Variants in STK3 observed in about 807,000 individuals in gnomAD.
STK3 encodes serine/threonine-protein kinase 3.
In STK3, 41 loss-of-function variants were observed where a neutral mutation model predicts 58.0. That is an observed-to-expected ratio of 0.71 (90% CI 0.55 to 0.92). The LOEUF (loss-of-function observed/expected upper bound fraction) is 0.92, where lower values mean the gene tolerates loss of function less well. STK3 is among the 40% of genes least tolerant of loss of function. The pLI is 0.00. For synonymous variants in STK3, 170 were observed against 191.0 expected (o/e 0.89, Z 0.91); for missense variants, 479 against 602.7 (o/e 0.79, Z 2.15).
At chr8:98,822,889 G>A (rs868596914) in intron 1 of STK3, among the ~76,000 whole-genome samples, 23 of 152,318 alleles carry the variant, frequency 1.5e-4, no homozygotes, top group Non-Finnish European at 1.8e-4. Flanking sequence ...TGAGCTGGGC[G>A]TGGTGGCGCC....
At chr8:98,838,703 T>C (rs956334930) in intron 3 of STK3, among the ~76,000 whole-genome samples, 25 of 152,100 alleles carry the variant, frequency 1.6e-4, no homozygotes, top group Admixed American at 1.4e-3. Flanking sequence ...GAGGGAGGAA[T>C]TGTATGCATA....
At chr8:98,734,028 C>A (rs1828393236) in intron 4 of STK3, among the ~76,000 whole-genome samples, 1 of 152,068 alleles carries the variant, frequency 6.6e-6, no homozygotes, top group Non-Finnish European at 1.5e-5. Context: ...AAGCAAACAC[C>A]GAATTCTCAT....
At chr8:98,363,785 A>T in the STK3 span, among the ~76,000 whole-genome samples, 1 of 152,320 alleles carries the variant, frequency 6.6e-6, no homozygotes, top group East Asian at 1.9e-4. Flanking sequence ...TGACTTGAGC[A>T]GTCTCAGGTT....
At chr8:98,644,334 T>A (rs1563839185) in intron 6 of STK3, among the ~76,000 whole-genome samples, 1 of 152,206 alleles carries the variant, frequency 6.6e-6, no homozygotes, top group Non-Finnish European at 1.5e-5. Flanking sequence ...CTCATTTCAA[T>A]AAACTGTTAT....
chr8:98,582,501 T>C (rs1226293390), intron 7 of STK3, among the ~76,000 whole-genome samples: 1 of 152,106 alleles, frequency 6.6e-6, no homozygotes, highest in Non-Finnish European at 1.5e-5. Flanking sequence ...TTTTAGTTTT[T>C]TTAACATTTA....
chr8:98,472,242 G>C (rs1820978947), intron 10 of STK3, among the ~76,000 whole-genome samples: 1 of 152,110 alleles, frequency 6.6e-6, no homozygotes, highest in Non-Finnish European at 1.5e-5. Flanking sequence ...AATATATGTA[G>C]TTTACTGCCC....
the STK3 span, among the ~76,000 whole-genome samples, chr8:98,361,732 G>C: frequency 1.3e-5 from 2 of 152,152 alleles, no homozygotes. Flanking sequence ...TGGGACACTG[G>C]ATGTTTTCAC....
intron 4 of STK3, among the ~76,000 whole-genome samples, chr8:98,713,647 C>A (rs1826737330): frequency 6.6e-6 from 1 of 152,076 alleles, no homozygotes; most frequent in South Asian, 2.1e-4. Context: ...AGCTTACCAA[C>A]CAAAAAAACT....
intron 1 of STK3, among the ~76,000 whole-genome samples, chr8:98,387,024 G>A (rs543816260): frequency 3.3e-5 from 5 of 152,152 alleles, no homozygotes; most frequent in African/African-American, 1.2e-4. Context: ...AATTAATTAG[G>A]AAAATGCAAT....
chr8:98,653,957 G>C (rs1039636751), intron 6 of STK3, among the ~76,000 whole-genome samples: 1 of 152,192 alleles, frequency 6.6e-6, no homozygotes, highest in Non-Finnish European at 1.5e-5. Flanking sequence ...AATAGAAAAA[G>C]AGGGAATCCT....
At chr8:98,594,939 T>A (rs770142504) in intron 7 of STK3, 30 of 152,344 alleles carry the variant, frequency 2.0e-4, no homozygotes, top group Non-Finnish European at 3.8e-4. Flanking sequence ...ATATGTTGTG[T>A]GTACATAGGT....
intron 1 of STK3, among the ~76,000 whole-genome samples, chr8:98,384,061 G>T (rs1358561887): frequency 6.6e-6 from 1 of 152,170 alleles, no homozygotes; most frequent in Non-Finnish European, 1.5e-5. Context: ...GGTAACCAAG[G>T]GTTAAGGCAT....
intron 6 of STK3, chr8:98,596,428 A>G: frequency 3.3e-6 from 1 of 303,566 alleles, no homozygotes; most frequent in East Asian, 5.9e-5. Context: ...TTTTTTTATC[A>G]GTCTCTAAAG....
intron 6 of STK3, among the ~76,000 whole-genome samples, chr8:98,614,026 A>G (rs1817431576): frequency 6.6e-6 from 1 of 152,238 alleles, no homozygotes; most frequent in African/African-American, 2.4e-5. Flanking sequence ...ACCAACCAAC[A>G]AGCTATAAAA....
downstream of STK3, chr8:98,881,322 G>C (rs983095861): frequency 6.6e-6 from 1 of 152,198 alleles, no homozygotes; most frequent in South Asian, 2.1e-4. Context: ...TCTGGAAAAG[G>C]CAAAACTATG....
chr8:98,346,818 GAAA>G, the STK3 span, among the ~76,000 whole-genome samples: 2 of 142,680 alleles, frequency 1.4e-5, no homozygotes, highest in African/African-American at 5.2e-5. Context: ...GTTTCAGGCA[GAAA>G]AAAAAAAGAT....
chr8:98,749,370 T>C lies in STK3; in HGVS notation c.257A>G (p.Tyr86Cys). Residue 86 changes from tyrosine to cysteine, a missense_variant, in exon 4 of 11, where the codon TAT becomes TGT. Around this residue, in one of 3 missense-constraint regions of STK3, gnomAD observed 126 missense variants for 210.1 expected, o/e 0.60. Transcript: ENST00000419617. ...QCDSPYVVKY[Y>C]GSYFKNTDLW... ...GTCTGTATTCTTAAAATAACTGCCA[T>C]AGTACTTTACAACATATGGGCTAAA... The C allele has an allele frequency of 6.3e-7, 1 of 1,593,542 alleles. No individual in the cohort carries two copies. The highest frequency in any genetic ancestry group is 8.6e-7 in the Non-Finnish European group (1 of 1,167,888).
the STK3 span, among the ~76,000 whole-genome samples, chr8:98,355,324 C>T: frequency 6.6e-6 from 1 of 152,364 alleles, no homozygotes; most frequent in South Asian, 2.1e-4. Flanking sequence ...TCCTGCTCTG[C>T]TGTACAACTT....
intron 3 of STK3, among the ~76,000 whole-genome samples, chr8:98,415,528 C>G (rs1818105003): frequency 6.6e-6 from 1 of 152,224 alleles, no homozygotes; most frequent in Admixed American, 6.5e-5. Flanking sequence ...TCTATTCCCT[C>G]CTAAGAGTCT....
Sources: gnomAD v4.1 joint callset for allele counts (sites outside exome capture counted in the v4.1 genomes callset) on GRCh38, gnomAD v4.1.1 for gene constraint, gnomAD v4.1.1 regional missense constraint, MANE v1.5 for transcripts, NCBI Gene and HGNC (gene_info 2026-07-23, HGNC 2026-07-21) for gene names.